The following SPMIP2 variants were observed in gnomAD, a reference collection of about 807,000 sequenced individuals.
SPMIP2 encodes protein SPMIP2.
chr4:158,906,279 G>A, the SPMIP2 span: 2 of 152,176 alleles, frequency 1.3e-5, no homozygotes, highest in Non-Finnish European at 2.9e-5. Flanking sequence ...CTCATTACGT[G>A]TAAATAAACT....
the SPMIP2 span, among the ~76,000 whole-genome samples, chr4:159,071,294 T>C: frequency 2.7e-3 from 409 of 152,298 alleles, 1 homozygote; most frequent in Non-Finnish European, 4.4e-3. Flanking sequence ...ATTTAGGTGA[T>C]GCCTTCAGAG....
the SPMIP2 span, among the ~76,000 whole-genome samples, chr4:158,934,580 T>C: frequency 1.3e-5 from 2 of 152,192 alleles, no homozygotes; most frequent in Non-Finnish European, 2.9e-5. Flanking sequence ...TTTATACGTG[T>C]TAGCCGTATT....
At chr4:158,899,853 CT>C in the SPMIP2 span, among the ~76,000 whole-genome samples, 1 of 152,014 alleles carries the variant, frequency 6.6e-6, no homozygotes, top group Non-Finnish European at 1.5e-5. Context: ...TCGTTCAGTT[CT>C]GCTCTGATCT....
chr4:158,908,851 C>T, the SPMIP2 span, among the ~76,000 whole-genome samples: 24 of 152,016 alleles, frequency 1.6e-4, no homozygotes, highest in Non-Finnish European at 4.4e-5. Context: ...CACAACTGGC[C>T]AATTTTTTGT....
the SPMIP2 span, among the ~76,000 whole-genome samples, chr4:159,039,296 C>A: frequency 6.6e-6 from 1 of 152,256 alleles, no homozygotes; most frequent in Non-Finnish European, 1.5e-5. Context: ...ATAGAAGACA[C>A]CTGACTGTGT....
the SPMIP2 span, among the ~76,000 whole-genome samples, chr4:159,066,568 G>C: frequency 6.9e-6 from 1 of 145,220 alleles, no homozygotes; most frequent in African/African-American, 2.5e-5. Flanking sequence ...ATATGTATGG[G>C]ATGACATACG....
the SPMIP2 span, among the ~76,000 whole-genome samples, chr4:158,958,346 ACT>A: frequency 6.6e-6 from 1 of 151,958 alleles, no homozygotes; most frequent in African/African-American, 2.4e-5. Context: ...CAAAGGCTAG[ACT>A]CAAACTCCTG....
the SPMIP2 span, chr4:158,906,752 T>C: frequency 6.6e-6 from 1 of 152,130 alleles, no homozygotes; most frequent in African/African-American, 2.4e-5. Flanking sequence ...CCTTTAAATA[T>C]TTAACATTCA....
At chr4:158,929,979 A>T in the SPMIP2 span, among the ~76,000 whole-genome samples, 1 of 152,174 alleles carries the variant, frequency 6.6e-6, no homozygotes, top group Non-Finnish European at 1.5e-5. Flanking sequence ...CTAGTGAAAA[A>T]AATTCTCAAT....
At chr4:159,078,332 T>C in the SPMIP2 span, among the ~76,000 whole-genome samples, 1 of 152,128 alleles carries the variant, frequency 6.6e-6, no homozygotes, top group Non-Finnish European at 1.5e-5. Context: ...CCCCAAGCAA[T>C]TGGCAGGAAT....
chr4:159,006,506 G>C, the SPMIP2 span, among the ~76,000 whole-genome samples: 1 of 152,160 alleles, frequency 6.6e-6, no homozygotes. Flanking sequence ...CTTTTAAAGT[G>C]AGATTACACT....
At chr4:158,975,916 T>G in the SPMIP2 span, among the ~76,000 whole-genome samples, 1 of 152,214 alleles carries the variant, frequency 6.6e-6, no homozygotes, top group Non-Finnish European at 1.5e-5. Context: ...TGATATTGAT[T>G]CTTGTTATCC....
chr4:159,005,468 AC>A, the SPMIP2 span, among the ~76,000 whole-genome samples: 1 of 152,038 alleles, frequency 6.6e-6, no homozygotes, highest in African/African-American at 2.4e-5. Flanking sequence ...AATAACAACA[AC>A]AAAAAACCAT....
At chr4:158,949,697 G>A in the SPMIP2 span, among the ~76,000 whole-genome samples, 4 of 152,294 alleles carry the variant, frequency 2.6e-5, no homozygotes, top group South Asian at 8.3e-4. Context: ...ACTTGGGAAG[G>A]ATAAATTCCT....
the SPMIP2 span, among the ~76,000 whole-genome samples, chr4:158,992,959 A>G: frequency 1.3e-5 from 2 of 152,224 alleles, no homozygotes; most frequent in Non-Finnish European, 2.9e-5. Flanking sequence ...GCACAAGCTG[A>G]GTCAAAAGCT....
chr4:158,905,682 C>A, the SPMIP2 span: 1 of 127,554 alleles, frequency 7.8e-6, no homozygotes. Context: ...AAATGATTTC[C>A]TAAAGTTCAT....
At chr4:158,930,365 A>G in the SPMIP2 span, among the ~76,000 whole-genome samples, 3 of 151,920 alleles carry the variant, frequency 2.0e-5, no homozygotes, top group African/African-American at 7.3e-5. Context: ...GGTGCACACG[A>G]CTTTGCCTAT....
chr4:159,001,711 G>T, the SPMIP2 span, among the ~76,000 whole-genome samples: 1 of 152,108 alleles, frequency 6.6e-6, no homozygotes, highest in Admixed American at 6.6e-5. Context: ...ATTCCATGTC[G>T]TATATGTACC....
the SPMIP2 span, among the ~76,000 whole-genome samples, chr4:158,972,392 T>G: frequency 6.6e-6 from 1 of 152,176 alleles, no homozygotes; most frequent in East Asian, 1.9e-4. Context: ...TTTCCTTTTG[T>G]TAACCTTTAC....
Sources: allele counts gnomAD v4.1 joint callset (sites outside exome capture counted in the v4.1 genomes callset), GRCh38; gene constraint gnomAD v4.1.1; transcripts MANE v1.5; gene names NCBI Gene and HGNC (gene_info 2026-07-23, HGNC 2026-07-21).